CCDC92B: variants seen among roughly 807,000 people sequenced by gnomAD.
CCDC92B encodes the protein coiled-coil domain-containing 92B.
Under a neutral mutation model 5.6 loss-of-function variants are expected in CCDC92B, and 2 were observed. The ratio of observed to expected loss-of-function variants is 0.36; its 90% confidence interval spans 0.15 to 1.12. The LOEUF (loss-of-function observed/expected upper bound fraction) is 1.12, where lower values mean the gene tolerates loss of function less well. Among genes scored for constraint, CCDC92B ranks in the 50% most tolerant of loss-of-function variants. The probability of loss-of-function intolerance (pLI) is 0.40; values close to 1 mark genes in which losing one functional copy is unlikely to be tolerated. For synonymous variants in CCDC92B, 115 were observed against 122.3 expected, an observed-to-expected ratio of 0.94 and a Z score of 0.39; for missense variants, 271 against 262.2, an observed-to-expected ratio of 1.03 and a Z score of -0.23.
In CCDC92B at chr17:2,722,155, T is replaced by C. The variant is rs2070664554; in HGVS notation, c.*2256A>G. The C allele has an allele frequency of 6.6e-6, 1 of 152,160 alleles. No homozygotes were observed. Among genetic ancestry groups the C allele is most frequent in the Admixed American group, 6.5e-5 (1 of 15,282 alleles). The allele number at this position is 152,160 out of a possible 1,614,324, so 9.4% of individuals were successfully genotyped here. A position where few individuals can be genotyped will look rare whatever the true frequency, so the allele number is the denominator to read the frequency against. On this transcript the variant is annotated 3_prime_UTR_variant, in exon 4 of 4. Transcript: ENST00000614400. ...GGAGATGAGGGTCTGTGCACGCTCC[T>C]CTGGAAAGAGACTTTGCCCTTCTTC...
At position 2,722,356 on chromosome 17, in the gene CCDC92B, C is replaced by G. The variant is rs952554587; in HGVS notation, c.*2055G>C. 1.3e-5 allele frequency: 2 copies of G among 152,420 alleles called. No individual in the cohort carries two copies. Among genetic ancestry groups the G allele is most frequent in the Non-Finnish European group, 2.9e-5 (2 of 68,286 alleles). 9.4% of individuals were successfully genotyped at this position (152,420 alleles called of 1,614,324 possible). ...AGAGTAGAGGTGGGGGCAGGCAGAG[C>G]AAGGACCCCAGGCCACCTTCTTGGC... On this transcript the variant is annotated 3_prime_UTR_variant, in exon 4 of 4. Transcript: ENST00000614400.
At chr17:2,729,910 A>G (rs1436398732) in intron 3 of CCDC92B, among the ~76,000 whole-genome samples, 1 of 152,122 alleles carries the variant, frequency 6.6e-6, no homozygotes, top group Non-Finnish European at 1.5e-5. Flanking sequence ...TTTCTCGTAT[A>G]GAACAAGTTC....
chr17:2,739,616 A>G (rs982838457), intron 1 of CCDC92B, among the ~76,000 whole-genome samples: 1 of 151,922 alleles, frequency 6.6e-6, no homozygotes, highest in Non-Finnish European at 1.5e-5. Context: ...CGGGAGGTGG[A>G]GCTTGCAGTG....
At chr17:2,734,760 T>G (rs1159419510) in intron 2 of CCDC92B, among the ~76,000 whole-genome samples, 1 of 152,098 alleles carries the variant, frequency 6.6e-6, no homozygotes, top group Non-Finnish European at 1.5e-5. Flanking sequence ...AGTGCTGGGA[T>G]TACAGGTGTG....
chr17:2,745,066 CAAAAAAAAAAAA>C (rs60179555), intron 1 of CCDC92B, among the ~76,000 whole-genome samples: 2 of 79,340 alleles, frequency 2.5e-5, no homozygotes, highest in Non-Finnish European at 4.6e-5. Context: ...GACCCTGTCT[CAAAAAAAAAAAA>C]AAAAAAAAAA....
intron 1 of CCDC92B, among the ~76,000 whole-genome samples, chr17:2,737,765 C>A (rs114210535): frequency 6.6e-6 from 1 of 151,866 alleles, no homozygotes; most frequent in Non-Finnish European, 1.5e-5. Context: ...CGTGAGCCAC[C>A]GCGTCCAGCC....
chr17:2,740,379 A>G (rs1249498948), intron 1 of CCDC92B, among the ~76,000 whole-genome samples: 2 of 152,026 alleles, frequency 1.3e-5, no homozygotes, highest in East Asian at 3.8e-4. Context: ...CAAAACCCTG[A>G]GGCTGGGCAC....
intron 1 of CCDC92B, among the ~76,000 whole-genome samples, chr17:2,737,313 T>G (rs888339854): frequency 6.6e-6 from 1 of 151,912 alleles, no homozygotes; most frequent in African/African-American, 2.4e-5. Context: ...CCAGACTAGC[T>G]TACATGTAAG....
At chr17:2,740,965 CAAAAAAAAAAAA>C (rs34349370) in intron 1 of CCDC92B, among the ~76,000 whole-genome samples, 2 of 50,908 alleles carry the variant, frequency 3.9e-5, no homozygotes, top group African/African-American at 7.6e-5. Flanking sequence ...GACCCTGTCT[CAAAAAAAAAAAA>C]AAAAAAAAAA....
At chr17:2,725,542 C>T (rs1033210907) in intron 3 of CCDC92B, among the ~76,000 whole-genome samples, 12 of 151,758 alleles carry the variant, frequency 7.9e-5, no homozygotes, top group African/African-American at 2.9e-4. Flanking sequence ...TCTAATTCTT[C>T]AGGTTTCAGC....
chr17:2,725,864 G>C (rs1250285672), intron 3 of CCDC92B, among the ~76,000 whole-genome samples: 1 of 151,896 alleles, frequency 6.6e-6, no homozygotes, highest in African/African-American at 2.4e-5. Context: ...CAGGAGAGAA[G>C]GATGCTGCAG....
intron 3 of CCDC92B, among the ~76,000 whole-genome samples, chr17:2,728,583 A>G (rs1433128885): frequency 6.6e-6 from 1 of 150,404 alleles, no homozygotes; most frequent in African/African-American, 2.4e-5. Context: ...AGCCTGGGCG[A>G]CAGAGCGAGA....
Position 2,727,221 on chromosome 17 carries a change from C to CT in CCDC92B, c.179-2222dup, listed in dbSNP as rs2070740028. On this transcript the variant is annotated intron_variant, in intron 3 of 3. Coordinates refer to ENST00000614400, the MANE Select transcript of CCDC92B (RefSeq NM_001355573.2). ...TTTTGTTTACTTGTTTATTGTTGGC[C>CT]TTTGCCACTGCAGCAGGTTTCAACC... Among the ~76,000 whole-genome samples, 8 of 152,184 alleles carry CT rather than the reference C, an allele frequency of 5.3e-5. No individual in the cohort carries two copies. The South Asian group carries it at 1.7e-3, about 31-fold the overall frequency.
intron 1 of CCDC92B, among the ~76,000 whole-genome samples, chr17:2,739,543 G>T (rs370775898): frequency 1.3e-5 from 2 of 151,656 alleles, no homozygotes; most frequent in South Asian, 4.2e-4. Context: ...TTAGCTGGGC[G>T]TGGTGGCGGG....
At position 2,724,419 on chromosome 17, in the gene CCDC92B, G is replaced by C; in HGVS notation, c.760C>G (p.Pro254Ala). 1 of 984,750 alleles carries C rather than the reference G, an allele frequency of 1.0e-6. No individual in the cohort carries two copies. Among genetic ancestry groups the C allele is most frequent in the Non-Finnish European group, 1.2e-6 (1 of 829,734 alleles). The allele number at this position is 984,750 out of a possible 1,614,324, so 61.0% of individuals were successfully genotyped here. The part of the protein sequence containing the change: ...APSQPSAPGD[P>A]E Reference sequence around the variant, plus strand: ...CCCGGCCAGCCTGGCGCCTACTCCGGGTCCCCGGGCGCGCTGGGCTGGCTG... The same window carrying C: ...CCCGGCCAGCCTGGCGCCTACTCCGCGTCCCCGGGCGCGCTGGGCTGGCTG... The change falls in exon 4 of 4, where the codon CCG (proline) becomes GCG (alanine). Residue 254 changes from proline to alanine, a missense_variant. Pro to Ala is a conservative substitution (Grantham distance 27). Transcript: ENST00000614400. This position sits in a 1 kb window ranked among gnomAD's most constrained non-coding sequence, Gnocchi z 5.0.
chr17:2,733,743 G>GTTTTTTT (rs1567614345), intron 2 of CCDC92B, among the ~76,000 whole-genome samples: 1 of 81,562 alleles, frequency 1.2e-5, no homozygotes, highest in African/African-American at 5.2e-5. Flanking sequence ...AGGACCACTG[G>GTTTTTTT]CTTTTTTTTT....
At chr17:2,737,366 C>A (rs2070868448) in intron 1 of CCDC92B, among the ~76,000 whole-genome samples, 1 of 151,798 alleles carries the variant, frequency 6.6e-6, no homozygotes, top group Non-Finnish European at 1.5e-5. Context: ...TTACATCGAG[C>A]AGGTCCCCCT....
intron 3 of CCDC92B, among the ~76,000 whole-genome samples, chr17:2,726,645 A>C (rs1314356406): frequency 6.9e-6 from 1 of 145,074 alleles, no homozygotes; most frequent in Admixed American, 6.9e-5. Context: ...GCAGAGTCTC[A>C]CTCTGTCACC....
intron 3 of CCDC92B, among the ~76,000 whole-genome samples, chr17:2,727,694 T>G (rs140092924): frequency 0.014 from 2,173 of 152,042 alleles, 83 homozygotes; most frequent in East Asian, 0.11. Context: ...TATGGTGGTG[T>G]GCGCCTGTGA....
Sources: allele counts gnomAD v4.1 joint callset (sites outside exome capture counted in the v4.1 genomes callset), GRCh38; gene constraint gnomAD v4.1.1; non-coding constraint Gnocchi (gnomAD v3.1); transcripts MANE v1.5; gene names NCBI Gene and HGNC (gene_info 2026-07-23, HGNC 2026-07-21).